The following NCK2 variants were observed in gnomAD, a reference collection of about 807,000 sequenced individuals.
NCK2 encodes the protein cytoplasmic protein NCK2.
Under a neutral mutation model 33.9 loss-of-function variants are expected in NCK2, and 16 were observed. The ratio of observed to expected loss-of-function variants is 0.47; its 90% CI spans 0.32 to 0.72. NCK2 has a LOEUF of 0.72. NCK2 is among the 30% of genes least tolerant of loss of function. The pLI, the probability that NCK2 is intolerant of heterozygous loss-of-function variation, is 0.03. For synonymous variants in NCK2, 273 were observed against 239.9 expected (o/e 1.14, Z -1.27); for missense variants, 418 against 537.3 (o/e 0.78, Z 2.19).
intron 2 of NCK2, among the ~76,000 whole-genome samples, chr2:105,831,560 A>G (rs1439980169): frequency 6.6e-6 from 1 of 152,044 alleles, no homozygotes; most frequent in Non-Finnish European, 1.5e-5. Context: ...TTTTGAGTAA[A>G]TTTTTGTATG....
At chr2:105,884,250 C>T (rs1393314241) in intron 4 of NCK2, among the ~76,000 whole-genome samples, 1 of 152,188 alleles carries the variant, frequency 6.6e-6, no homozygotes, top group Non-Finnish European at 1.5e-5. Flanking sequence ...CCACCATCCA[C>T]TGCCTCCCCC....
chr2:105,852,673 TGTG>T (rs1257117494), intron 2 of NCK2, among the ~76,000 whole-genome samples: 2 of 152,188 alleles, frequency 1.3e-5, no homozygotes, highest in Admixed American at 6.5e-5. Flanking sequence ...AATTAAGAAA[TGTG>T]GTATTCAGAT....
At chr2:105,857,835 C>T (rs1677343436) in intron 3 of NCK2, among the ~76,000 whole-genome samples, 1 of 152,170 alleles carries the variant, frequency 6.6e-6, no homozygotes, top group Admixed American at 6.5e-5. Context: ...CATGAGTTTT[C>T]CCTTGCCCTG....
At chr2:105,864,876 G>A (rs1220992609) in intron 3 of NCK2, among the ~76,000 whole-genome samples, 2 of 136,222 alleles carry the variant, frequency 1.5e-5, no homozygotes, top group African/African-American at 2.9e-5. Context: ...CACACACACG[G>A]TTCCCTGCAA....
intron 2 of NCK2, among the ~76,000 whole-genome samples, chr2:105,823,883 C>T (rs567439086): frequency 2.6e-5 from 4 of 152,068 alleles, no homozygotes; most frequent in African/African-American, 9.7e-5. Flanking sequence ...CTGGCTGTTT[C>T]GTGATCAAAC....
chr2:105,852,764 C>T (rs1015810387), intron 2 of NCK2, among the ~76,000 whole-genome samples: 9 of 152,118 alleles, frequency 5.9e-5, no homozygotes, highest in African/African-American at 2.2e-4. Context: ...GCCTTTATGA[C>T]TTTCAAAAGT....
intron 1 of NCK2, among the ~76,000 whole-genome samples, chr2:105,752,600 C>T (rs541926888): frequency 2.0e-5 from 3 of 152,154 alleles, no homozygotes; most frequent in African/African-American, 7.2e-5. Context: ...ACATAAATTG[C>T]CTAAGGGTGA....
intron 1 of NCK2, among the ~76,000 whole-genome samples, chr2:105,792,848 G>A (rs114974796): frequency 0.025 from 3,864 of 152,258 alleles, 86 homozygotes; most frequent in Non-Finnish European, 0.032. Context: ...CACCTGTAAT[G>A]CACAGGGGTT....
chr2:105,807,260 A>G (rs1473880497), intron 1 of NCK2, among the ~76,000 whole-genome samples: 1 of 152,146 alleles, frequency 6.6e-6, no homozygotes, highest in African/African-American at 2.4e-5. Context: ...CGCAGACATC[A>G]TGTTCTCTCT....
chr2:105,818,073 A>G (rs1675564412), intron 2 of NCK2, among the ~76,000 whole-genome samples: 1 of 152,066 alleles, frequency 6.6e-6, no homozygotes, highest in Non-Finnish European at 1.5e-5. Context: ...TGTGGCACAT[A>G]TACACCATGA....
At chr2:105,805,550 G>C (rs147983062) in intron 1 of NCK2, among the ~76,000 whole-genome samples, 1 of 151,218 alleles carries the variant, frequency 6.6e-6, no homozygotes, top group Non-Finnish European at 1.5e-5. Flanking sequence ...TAAATTTCCC[G>C]AACTTACTCA....
intron 1 of NCK2, among the ~76,000 whole-genome samples, chr2:105,783,932 A>G (rs1428649455): frequency 6.6e-6 from 1 of 152,194 alleles, no homozygotes; most frequent in African/African-American, 2.4e-5. Flanking sequence ...CGAGAAAATG[A>G]AACACCCTTT....
intron 1 of NCK2, among the ~76,000 whole-genome samples, chr2:105,766,177 G>A (rs1458399866): frequency 1.3e-5 from 2 of 152,138 alleles, no homozygotes; most frequent in Non-Finnish European, 2.9e-5. Flanking sequence ...TGGGGCCTAG[G>A]AAGCACATTC....
At chr2:105,761,512 G>C (rs72935723) in intron 1 of NCK2, among the ~76,000 whole-genome samples, 5,401 of 152,248 alleles carry the variant, frequency 0.035, 325 homozygotes, top group African/African-American at 0.12. Flanking sequence ...ATACACAGAT[G>C]AGAGAGACTC....
At chr2:105,768,758 C>T (rs969929070) in intron 1 of NCK2, among the ~76,000 whole-genome samples, 3 of 152,222 alleles carry the variant, frequency 2.0e-5, no homozygotes, top group African/African-American at 2.4e-5. Flanking sequence ...GTGTGTGTGG[C>T]CCAGGGAAGC....
chr2:105,836,076 G>A (rs1177139124), intron 2 of NCK2, among the ~76,000 whole-genome samples: 2 of 148,976 alleles, frequency 1.3e-5, no homozygotes, highest in African/African-American at 2.5e-5. Context: ...GTTTCCTTAA[G>A]ATCATTATTT....
rs758649473 is a variant in NCK2 at position 105,881,723 on chromosome 2, T to G, written c.622T>G (p.Ser208Ala). 1 of 1,614,190 alleles carries G rather than the reference T, an allele frequency of 6.2e-7. No individual in the cohort carries two copies. The highest frequency in any genetic ancestry group is 8.5e-7 in the Non-Finnish European group (1 of 1,180,008). The change falls in exon 4 of 5, where the codon TCA (serine) becomes GCA (alanine). Residue 208 changes from serine to alanine, a missense_variant. Coordinates refer to ENST00000233154, the MANE Select transcript of NCK2 (RefSeq NM_003581.5). ...GGTCCAGACGCTGTACCCCTTCAGC[T>G]CAGTCACCGAGGAGGAGCTCAACTT... Reference protein sequence around the residue: ...HVVQTLYPFSSVTEEELNFEK... With the variant: ...HVVQTLYPFSAVTEEELNFEK...
At chr2:105,778,338 T>C (rs916432905) in intron 1 of NCK2, among the ~76,000 whole-genome samples, 40 of 152,236 alleles carry the variant, frequency 2.6e-4, no homozygotes, top group Non-Finnish European at 3.8e-4. Flanking sequence ...GGATCTGTTC[T>C]GTGTTCTAGC....
rs535502826 is a variant in NCK2 at position 105,867,682 on chromosome 2, G to A, written c.226+12393G>A. Among the ~76,000 whole-genome samples, 11 of 152,246 alleles carry A rather than the reference G, an allele frequency of 7.2e-5. No homozygotes were observed. The South Asian group carries it at 2.3e-3, about 32-fold the overall frequency. On this transcript the variant is annotated intron_variant, in intron 3 of 4. Coordinates refer to ENST00000233154, the MANE Select transcript of NCK2 (RefSeq NM_003581.5). ...GTGTGGGATTCACATTGCTGTGTGC[G>A]CTTGGCTGGGTGAGAGCCAGTCGTG...
Sources: allele counts gnomAD v4.1 joint callset (sites outside exome capture counted in the v4.1 genomes callset), GRCh38; gene constraint gnomAD v4.1.1; transcripts MANE v1.5; gene names NCBI Gene and HGNC (gene_info 2026-07-23, HGNC 2026-07-21).